The following SLC5A10 variants were observed in gnomAD, a reference collection of about 807,000 sequenced individuals.
SLC5A10 encodes the protein sodium/mannose cotransporter SLC5A10.
SLC5A10 carries 55 observed loss-of-function variants against 68.9 expected under a neutral mutation model. That is an observed-to-expected ratio of 0.80 (90% CI 0.64 to 1.00). SLC5A10 has a LOEUF of 1.00. SLC5A10 is among the 50% of genes least tolerant of loss of function. SLC5A10 has a pLI of 0.00. For missense variants in SLC5A10, 732 were observed against 819.3 expected, an observed-to-expected ratio of 0.89 and a Z score of 1.30; for synonymous variants, 344 against 344.8, an observed-to-expected ratio of 1.00 and a Z score of 0.02.
At chr17:18,963,205 C>T (rs2042645722) in intron 5 of SLC5A10, among the ~76,000 whole-genome samples, 1 of 152,164 alleles carries the variant, frequency 6.6e-6, no homozygotes, top group Non-Finnish European at 1.5e-5. Flanking sequence ...GGGAAGAGTT[C>T]AGTGAAGTGG....
chr17:18,987,223 A>G (rs544872074), intron 9 of SLC5A10, among the ~76,000 whole-genome samples: 1 of 152,334 alleles, frequency 6.6e-6, no homozygotes, highest in East Asian at 1.9e-4. Flanking sequence ...GCTGAGCCCA[A>G]GGGTCTGGAG....
Position 18,971,665 on chromosome 17 carries a change from A to C in SLC5A10, c.846+447A>C. ...TAGAGCTCTGGACGCTGTCAGCAGCAGAGCGGTACCTAGGGGGTCCTGGGA... is the reference window on the plus strand; with the variant it reads ...TAGAGCTCTGGACGCTGTCAGCAGCCGAGCGGTACCTAGGGGGTCCTGGGA... On this transcript the variant is annotated intron_variant, in intron 8 of 14. Transcript: ENST00000395645. The surrounding 1 kb of genome is among the most constrained non-coding windows in gnomAD (Gnocchi z 5.5). 1 of 1,613,068 alleles carries C rather than the reference A, an allele frequency of 6.2e-7. No homozygotes were observed. Among genetic ancestry groups the C allele is most frequent in the Non-Finnish European group, 8.5e-7 (1 of 1,179,676 alleles).
rs768356628 is a variant in SLC5A10 at position 19,013,432 on chromosome 17, G to A, written c.1005G>A (p.Pro335=). 2.6e-5 allele frequency: 42 copies of A among 1,605,940 alleles called. No individual in the cohort carries two copies. The highest frequency in any genetic ancestry group is 2.0e-4 in the East Asian group (9 of 44,318). ...CAGATGATGTGGGCTGCGTGGTGCC[G>A]TCCGAGTGCCTGCGGGCCTGCGGGG... ...LFPDDVGCVV[P]SECLRACGAE... is the part of the protein sequence containing the mutation. The change falls in exon 10 of 15, where the codon CCG becomes CCA. Residue 335 remains proline, a synonymous_variant. Coordinates refer to ENST00000395645, the MANE Select transcript of SLC5A10 (RefSeq NM_001042450.4).
intron 9 of SLC5A10, among the ~76,000 whole-genome samples, chr17:19,006,290 T>TAC (rs1182473341): frequency 5.8e-4 from 88 of 152,330 alleles, no homozygotes; most frequent in African/African-American, 1.6e-3. Flanking sequence ...TGCAGTGGTA[T>TAC]GTACAATCAT....
chr17:19,015,227 TGGGGGAACACTACAAGGGTGGGCGCCCGC>T, intron 11 of SLC5A10, 28 bp downstream of exon 11: 1 of 121,052 alleles, frequency 8.3e-6, no homozygotes, highest in Non-Finnish European at 2.0e-5. Flanking sequence ...AGTACGGGGG[TGGGGGAACACTACAAGGGTGGGCGCCCGC>T]ACTGACTTTG....
At chr17:19,010,988 C>T (rs1387718036) in intron 9 of SLC5A10, among the ~76,000 whole-genome samples, 2 of 152,198 alleles carry the variant, frequency 1.3e-5, no homozygotes, top group Non-Finnish European at 2.9e-5. Context: ...CTGTGCCTTT[C>T]CTCCCTCCTC....
chr17:18,976,368 G>C (rs2042981007), intron 8 of SLC5A10: 1 of 153,738 alleles, frequency 6.5e-6, no homozygotes, highest in Non-Finnish European at 1.4e-5. Flanking sequence ...GCCTCCCTCT[G>C]CTACTGAACT....
chr17:18,966,101 T>G (rs944217461), intron 5 of SLC5A10, among the ~76,000 whole-genome samples: 8 of 152,146 alleles, frequency 5.3e-5, no homozygotes, highest in Non-Finnish European at 1.2e-4. Flanking sequence ...CGTGAAGCAC[T>G]GGCAGGGTTT....
chr17:19,014,988 G>C (rs909834627), intron 10 of SLC5A10, 61 bp from the exon 11 acceptor site: 98 of 1,572,956 alleles, frequency 6.2e-5, no homozygotes, highest in Non-Finnish European at 7.3e-5. Flanking sequence ...GCCCAGGCGG[G>C]AGGGGTTCCC....
chr17:19,005,594 G>A (rs1032883412), intron 9 of SLC5A10, among the ~76,000 whole-genome samples: 1 of 152,036 alleles, frequency 6.6e-6, no homozygotes, highest in Admixed American at 6.5e-5. Flanking sequence ...TTTGGGTCCC[G>A]TAAGGATGCT....
At position 19,020,564 on chromosome 17, in the gene SLC5A10, G is replaced by A; in HGVS notation, c.*133G>A. The A allele has an allele frequency of 2.6e-6, 2 of 775,232 alleles. No homozygotes were observed. The highest frequency in any genetic ancestry group is 2.0e-6 in the Non-Finnish European group (1 of 491,552). The allele number at this position is 775,232 out of a possible 1,614,324, so 48.0% of individuals were successfully genotyped here. Reference sequence around the variant, plus strand: ...ACAGCAGCTCGGTGCCCAAGAACTGGCCAAGCCAGCAAAGCGGGAGCCCTG... The same window carrying A: ...ACAGCAGCTCGGTGCCCAAGAACTGACCAAGCCAGCAAAGCGGGAGCCCTG... On this transcript the variant is annotated 3_prime_UTR_variant, in exon 15 of 15. Coordinates refer to ENST00000395645, the MANE Select transcript of SLC5A10 (RefSeq NM_001042450.4).
chr17:19,019,620 G>A (rs774149080), intron 12 of SLC5A10, 29 bp downstream of exon 12: 1 of 1,606,782 alleles, frequency 6.2e-7, no homozygotes, highest in Admixed American at 1.7e-5. Flanking sequence ...CTCTCCCTGG[G>A]GACGTGCCAC....
rs375720477 is a variant in SLC5A10 at position 19,015,037 on chromosome 17, G to A, written c.1091-12G>A. ...GGCCGGACAGGGTCACACATCCCCCGTCCCACCCCAGGTCTGCGGGGGCTG... is the reference window on the plus strand; with the variant it reads ...GGCCGGACAGGGTCACACATCCCCCATCCCACCCCAGGTCTGCGGGGGCTG... On this transcript the variant is annotated splice_polypyrimidine_tract_variant and intron_variant, in intron 10 of 14. Coordinates refer to ENST00000395645, the MANE Select transcript of SLC5A10 (RefSeq NM_001042450.4). The A allele has an allele frequency of 2.0e-5, 32 of 1,610,716 alleles. No homozygotes were observed. The Admixed American group carries it at 3.7e-4, about 18-fold the overall frequency.
At chr17:19,010,592 A>G (rs2043993164) in intron 9 of SLC5A10, among the ~76,000 whole-genome samples, 1 of 152,200 alleles carries the variant, frequency 6.6e-6, no homozygotes, top group Non-Finnish European at 1.5e-5. Flanking sequence ...GCGGTTTCCC[A>G]TGCCGAGAGC....
chr17:18,955,844 G>A (rs138236887), intron 1 of SLC5A10, among the ~76,000 whole-genome samples: 35 of 152,332 alleles, frequency 2.3e-4, no homozygotes, highest in African/African-American at 7.9e-4. Flanking sequence ...GGGAGATCAC[G>A]TGAGCCCAGG....
chr17:19,009,469 C>A (rs2043969096), intron 9 of SLC5A10, among the ~76,000 whole-genome samples: 1 of 152,174 alleles, frequency 6.6e-6, no homozygotes, highest in Non-Finnish European at 1.5e-5. Context: ...AATCCTCCTG[C>A]CTCGGCCTCC....
upstream of SLC5A10, chr17:18,950,829 C>A: frequency 3.3e-6 from 1 of 298,884 alleles, no homozygotes; most frequent in Non-Finnish European, 4.9e-6. Flanking sequence ...AATTCTCCTG[C>A]CTCAGCCTCC....
Position 19,021,843 on chromosome 17 carries a change from G to C in SLC5A10, c.*1412G>C, listed in dbSNP as rs1660585508. ...GGAGGCAGTTAGGAGCCCACGTTCA[G>C]TCCAAGGCCGTCCACTGAGCCCCGT... On this transcript the variant is annotated 3_prime_UTR_variant, in exon 15 of 15. Coordinates refer to ENST00000395645, the MANE Select transcript of SLC5A10 (RefSeq NM_001042450.4). This position sits in a 1 kb window ranked among gnomAD's most constrained non-coding sequence, Gnocchi z 4.1. 6 of 1,162,480 alleles carry C rather than the reference G, an allele frequency of 5.2e-6. No individual in the cohort carries two copies. The South Asian group carries it at 7.5e-5, about 15-fold the overall frequency. 72.0% of individuals were successfully genotyped at this position (1,162,480 alleles called of 1,614,324 possible).
Position 18,969,343 on chromosome 17 carries a change from G to A in SLC5A10, c.561G>A (p.Gly187=). 1 of 1,613,248 alleles carries A rather than the reference G, an allele frequency of 6.2e-7. No homozygotes were observed. The highest frequency in any genetic ancestry group is 8.5e-7 in the Non-Finnish European group (1 of 1,179,886). ...LGITALYTIA[G]GLAAVIYTDA... ...CAGCAACCTTGCTTCCACTGGCAGG[G>A]GGCCTGGCTGCTGTAATCTACACGG... The change falls in exon 7 of 15, where the codon GGG becomes GGA. Residue 187 remains glycine (G), a splice_region_variant and synonymous_variant. Transcript: ENST00000395645.
Sources: gnomAD v4.1 joint callset for allele counts (sites outside exome capture counted in the v4.1 genomes callset) on GRCh38, gnomAD v4.1.1 for gene constraint, Gnocchi (gnomAD v3.1) non-coding constraint, MANE v1.5 for transcripts, NCBI Gene and HGNC (gene_info 2026-07-23, HGNC 2026-07-21) for gene names.